The following CDH17 variants were observed in gnomAD, a reference collection of about 807,000 sequenced individuals.
The protein encoded by CDH17 is cadherin-17.
CDH17 carries 67 observed loss-of-function variants against 86.3 expected under a neutral mutation model. That is an observed-to-expected ratio of 0.78 (90% CI 0.64 to 0.95). The LOEUF (loss-of-function observed/expected upper bound fraction) is 0.95, where lower values mean the gene tolerates loss of function less well. Ranked by LOEUF, CDH17 falls within the 40% of genes least tolerant of loss-of-function variation. The pLI, the probability that CDH17 is intolerant of heterozygous loss-of-function variation, is 0.00. For missense variants in CDH17, 993 were observed against 1,017.6 expected, an observed-to-expected ratio of 0.98 and a Z score of 0.33; for synonymous variants, 367 against 366.4, an observed-to-expected ratio of 1.00 and a Z score of -0.02.
intron 1 of CDH17, among the ~76,000 whole-genome samples, chr8:94,204,114 A>T (rs1238134280): frequency 2.0e-5 from 3 of 152,134 alleles, no homozygotes; most frequent in Admixed American, 1.3e-4. Flanking sequence ...TTCTTTTTTT[A>T]AAAAATGTTT....
upstream of CDH17, chr8:94,208,626 A>G (rs1814074507): frequency 2.6e-5 from 4 of 152,340 alleles, no homozygotes; most frequent in South Asian, 8.3e-4. Context: ...GCTTCAGTCA[A>G]ACATTAACCA....
At chr8:94,141,844 G>C (rs533482205) in intron 15 of CDH17, among the ~76,000 whole-genome samples, 21 of 152,158 alleles carry the variant, frequency 1.4e-4, no homozygotes, top group African/African-American at 4.8e-4. Flanking sequence ...TTTTTTGGTA[G>C]AAAGGAACAG....
intron 1 of CDH17, among the ~76,000 whole-genome samples, chr8:94,195,943 G>A (rs1444190434): frequency 6.6e-6 from 1 of 151,896 alleles, no homozygotes; most frequent in African/African-American, 2.4e-5. Context: ...TGTATTTTTA[G>A]TAGAGATGGG....
intron 9 of CDH17, among the ~76,000 whole-genome samples, chr8:94,167,893 A>T (rs1405607461): frequency 6.6e-6 from 1 of 151,910 alleles, no homozygotes; most frequent in Non-Finnish European, 1.5e-5. Flanking sequence ...GTGGAGCTCA[A>T]ACTGATACAG....
Position 94,160,118 on chromosome 8 carries a change from G to C in CDH17, c.1404C>G (p.Thr468=). Residue 468 remains threonine (T), a synonymous_variant, in exon 12 of 18, where the codon ACC becomes ACG. Transcript: ENST00000027335. The part of the protein sequence containing the change: ...TLAEDTNIGS[T]ILTIQATDAD... Reference sequence around the variant, plus strand: ...CATCAGTGGCCTGGATGGTTAAGATGGTGGACCCAATGTTTGTGTCTTCAG... The same window carrying C: ...CATCAGTGGCCTGGATGGTTAAGATCGTGGACCCAATGTTTGTGTCTTCAG... The C allele has an allele frequency of 6.2e-7, 1 of 1,613,434 alleles. No homozygotes were observed. Among genetic ancestry groups the C allele is most frequent in the South Asian group, 1.1e-5 (1 of 90,840 alleles).
At chr8:94,183,528 T>C (rs773171260) in intron 3 of CDH17, among the ~76,000 whole-genome samples, 2 of 151,682 alleles carry the variant, frequency 1.3e-5, no homozygotes, top group Non-Finnish European at 2.9e-5. Flanking sequence ...AAGAATGAAG[T>C]TGGACCCTTA....
chr8:94,200,397 C>T (rs770909568), intron 1 of CDH17, among the ~76,000 whole-genome samples: 3 of 152,022 alleles, frequency 2.0e-5, no homozygotes, highest in Non-Finnish European at 4.4e-5. Context: ...ATTGGCCAAC[C>T]GTCTGCGTGG....
At chr8:94,158,405 C>T (rs1812985276) in intron 12 of CDH17, among the ~76,000 whole-genome samples, 3 of 152,064 alleles carry the variant, frequency 2.0e-5, no homozygotes, top group African/African-American at 7.2e-5. Flanking sequence ...TAAAAGGGCC[C>T]ATTAACCACA....
chr8:94,176,665 G>A lies in CDH17; in HGVS notation c.300C>T (p.Asp100=), dbSNP rs747266533. 5.0e-6 allele frequency: 8 copies of A among 1,612,616 alleles called. No individual in the cohort carries two copies. The highest frequency in any genetic ancestry group is 2.2e-5 in the East Asian group (1 of 44,794). ...STHNLQVAAL[D]ANGIIVEGPV... is the part of the protein sequence containing the mutation. ...GACCCTCCACTATAATTCCATTAGC[G>A]TCCAGGGCTGCAACCTGATGTTGAG... Residue 100 remains aspartate, a synonymous_variant, in exon 5 of 18, where the codon GAC becomes GAT. Transcript: ENST00000027335.
chr8:94,137,199 T>G (rs1327950672), intron 15 of CDH17, among the ~76,000 whole-genome samples: 2 of 152,216 alleles, frequency 1.3e-5, no homozygotes, highest in Non-Finnish European at 2.9e-5. Context: ...GATGTTTAAG[T>G]CTGCAGAAGT....
rs146796102 is a variant in CDH17 at position 94,131,410 on chromosome 8, A to G, written c.2168-418T>C. 2.9e-3 allele frequency among the ~76,000 whole-genome samples: 439 copies of G among 152,314 alleles called. 4 individuals carry two copies. Among genetic ancestry groups the G allele is most frequent in the African/African-American group, 9.7e-3 (402 of 41,568 alleles). ...GTGTGTTGCTGTTCAAAGATATCTT[A>G]TTTAACATATATTGTTCATTCTAAC... On this transcript the variant is annotated intron_variant, in intron 15 of 17. Coordinates refer to ENST00000027335, the MANE Select transcript of CDH17 (RefSeq NM_004063.4).
chr8:94,128,192 T>A lies in CDH17; in HGVS notation c.*48A>T, dbSNP rs1812337893. 1 of 1,160,508 alleles carries A rather than the reference T, an allele frequency of 8.6e-7. No individual in the cohort carries two copies. 71.9% of individuals were successfully genotyped at this position (1,160,508 alleles called of 1,614,324 possible). A position where few individuals can be genotyped will look rare whatever the true frequency, so the allele number is the denominator to read the frequency against. On this transcript the variant is annotated 3_prime_UTR_variant, in exon 18 of 18. Transcript: ENST00000027335. ...GAAAAGTAATAGGATGAGATGGTTG[T>A]TGCTGAAATAGCACTTGCTATATAA...
At chr8:94,160,744 T>C (rs748438694) in intron 11 of CDH17, among the ~76,000 whole-genome samples, 3 of 152,214 alleles carry the variant, frequency 2.0e-5, no homozygotes, top group Admixed American at 1.3e-4. Context: ...AGACAATGCA[T>C]GTAAAGCTCC....
chr8:94,173,627 G>T (rs1347595994), intron 7 of CDH17, among the ~76,000 whole-genome samples, 170 bp downstream of exon 7: 2 of 152,202 alleles, frequency 1.3e-5, no homozygotes. Context: ...TGCCCATGAT[G>T]CATGGTCAAG....
At chr8:94,188,847 G>T (rs1009648102) in intron 3 of CDH17, among the ~76,000 whole-genome samples, 2 of 152,180 alleles carry the variant, frequency 1.3e-5, no homozygotes, top group Admixed American at 1.3e-4. Context: ...CAAGCTCATT[G>T]ATCAGACAGC....
chr8:94,140,349 G>A (rs1191921323), intron 15 of CDH17, among the ~76,000 whole-genome samples: 3 of 152,172 alleles, frequency 2.0e-5, no homozygotes, highest in South Asian at 4.2e-4. Context: ...AGGATCGTCT[G>A]AGCCCAGGAA....
At chr8:94,136,394 T>TTCAA (rs1450536874) in intron 15 of CDH17, among the ~76,000 whole-genome samples, 1 of 152,200 alleles carries the variant, frequency 6.6e-6, no homozygotes, top group African/African-American at 2.4e-5. Flanking sequence ...TAATTTGATC[T>TTCAA]TCAATCACTG....
intron 2 of CDH17, among the ~76,000 whole-genome samples, chr8:94,190,242 T>G (rs1398445565): frequency 3.3e-5 from 5 of 152,206 alleles, no homozygotes. Context: ...AACCTGCAAC[T>G]CTGGAACCAG....
intron 2 of CDH17, among the ~76,000 whole-genome samples, chr8:94,193,191 T>C (rs79238126): frequency 0.032 from 4,842 of 152,222 alleles, 239 homozygotes; most frequent in African/African-American, 0.098. Flanking sequence ...TTTTCACCTT[T>C]CATCCAGGAA....
Sources: allele counts gnomAD v4.1 joint callset (sites outside exome capture counted in the v4.1 genomes callset), GRCh38; gene constraint gnomAD v4.1.1; transcripts MANE v1.5; gene names NCBI Gene and HGNC (gene_info 2026-07-23, HGNC 2026-07-21).